The following TRIM33 variants were observed in gnomAD, a reference collection of about 807,000 sequenced individuals.
TRIM33 encodes E3 ubiquitin-protein ligase TRIM33.
TRIM33 carries 20 observed loss-of-function variants against 125.4 expected under a neutral mutation model. The observed-to-expected ratio is 0.16, with a 90% CI of 0.11 to 0.23. TRIM33 has a LOEUF of 0.23. Ranked by LOEUF, TRIM33 falls within the 10% of genes least tolerant of loss-of-function variation. The pLI, the probability that TRIM33 is intolerant of heterozygous loss-of-function variation, is 1.00. For missense variants in TRIM33, 920 were observed against 1,411.4 expected, an observed-to-expected ratio of 0.65 and a Z score of 5.58; for synonymous variants, 564 against 513.9, an observed-to-expected ratio of 1.10 and a Z score of -1.32.
In TRIM33 at chr1:114,395,095, CT is replaced by C. The variant is rs1316135342; in HGVS notation, c.*2552del. ...CTAAATATCAATTTAAGTTTTTATA[CT>C]TTTTAACCATAGGTATATTAGAGCT... On this transcript the variant is annotated 3_prime_UTR_variant, in exon 20 of 20. Transcript: ENST00000358465. The C allele has an allele frequency of 5.2e-6, 1 of 192,766 alleles. No individual in the cohort carries two copies. Among genetic ancestry groups the C allele is most frequent in the Non-Finnish European group, 1.1e-5 (1 of 92,438 alleles). The allele number at this position is 192,766 out of a possible 1,614,324, so 11.9% of individuals were successfully genotyped here.
intron 14 of TRIM33, 45 bp downstream of exon 14, chr1:114,406,896 G>A (rs1288771413): frequency 1.3e-6 from 2 of 1,577,684 alleles, no homozygotes; most frequent in Non-Finnish European, 1.7e-6. Context: ...AAGAATCAAT[G>A]AAGTGATGTC....
At chr1:114,509,550 T>C (rs1474598797) in intron 1 of TRIM33, among the ~76,000 whole-genome samples, 3 of 152,188 alleles carry the variant, frequency 2.0e-5, no homozygotes, top group African/African-American at 7.2e-5. Flanking sequence ...AACCTTTATC[T>C]TTTCAGCCCA....
intron 1 of TRIM33, among the ~76,000 whole-genome samples, chr1:114,478,908 C>T (rs887377225): frequency 4.6e-5 from 7 of 152,010 alleles, no homozygotes; most frequent in Admixed American, 2.0e-4. Flanking sequence ...ATTAGCCAGG[C>T]GTGGTTGTGG....
At chr1:114,466,678 AT>A (rs1232541031) in intron 1 of TRIM33, among the ~76,000 whole-genome samples, 1 of 152,174 alleles carries the variant, frequency 6.6e-6, no homozygotes, top group African/African-American at 2.4e-5. Context: ...ATTGTCCCAC[AT>A]TGTTGCTGGG....
chr1:114,398,767 A>G (rs1420673094), intron 18 of TRIM33, among the ~76,000 whole-genome samples: 1 of 151,854 alleles, frequency 6.6e-6, no homozygotes, highest in African/African-American at 2.4e-5. Flanking sequence ...ATTAAATTCC[A>G]TTTTCTTCTC....
At chr1:114,405,859 G>A (rs1652198116) in intron 14 of TRIM33, 100 bp from the exon 15 acceptor site, 2 of 1,034,710 alleles carry the variant, frequency 1.9e-6, no homozygotes, top group Non-Finnish European at 2.8e-6. Context: ...TAGATATACT[G>A]ACGTAACAAA....
intron 4 of TRIM33, among the ~76,000 whole-genome samples, chr1:114,434,554 T>C (rs1159287410): frequency 6.6e-6 from 1 of 152,240 alleles, no homozygotes; most frequent in Non-Finnish European, 1.5e-5. Flanking sequence ...TAGACTCTAA[T>C]AACATTTCTT....
chr1:114,407,206 T>C, intron 13 of TRIM33, 106 bp from the exon 14 acceptor site: 2 of 944,772 alleles, frequency 2.1e-6, no homozygotes, highest in Non-Finnish European at 1.5e-6. Flanking sequence ...AATAGACAAT[T>C]AACTTTACAG....
intron 11 of TRIM33, among the ~76,000 whole-genome samples, chr1:114,414,021 T>TCACAGG (rs1263471369): frequency 1.0e-5 from 1 of 96,470 alleles, no homozygotes; most frequent in Non-Finnish European, 2.1e-5. Flanking sequence ...CCAAAATAAA[T>TCACAGG]CACAGGCACA....
At chr1:114,415,915 A>G (rs1490499766) in intron 11 of TRIM33, among the ~76,000 whole-genome samples, 7 of 148,852 alleles carry the variant, frequency 4.7e-5, no homozygotes, top group African/African-American at 1.2e-4. Flanking sequence ...CTGCACCACT[A>G]CACTCCAGCC....
chr1:114,422,082 C>G (rs1647235750), intron 10 of TRIM33, among the ~76,000 whole-genome samples: 1 of 152,112 alleles, frequency 6.6e-6, no homozygotes, highest in Non-Finnish European at 1.5e-5. Flanking sequence ...AGTCCTGACT[C>G]TAATACTGTG....
chr1:114,463,275 A>G, intron 3 of TRIM33, 39 bp from the exon 4 acceptor site: 1 of 1,569,040 alleles, frequency 6.4e-7, no homozygotes, highest in East Asian at 2.2e-5. Flanking sequence ...AACCAAACAT[A>G]AAATTTTTGT....
Position 114,397,589 on chromosome 1 carries a change from G to GTTTTGTTTTTTTTTTTTTGT in TRIM33, c.*58_*59insACAAAAAAAAAAAAACAAAA. The GTTTTGTTTTTTTTTTTTTGT allele has an allele frequency of 1.6e-6, 1 of 637,680 alleles. No individual in the cohort carries two copies. Among genetic ancestry groups the GTTTTGTTTTTTTTTTTTTGT allele is most frequent in the South Asian group, 2.1e-5 (1 of 48,374 alleles). 39.5% of individuals were successfully genotyped at this position (637,680 alleles called of 1,614,324 possible). A position where few individuals can be genotyped will look rare whatever the true frequency, so the allele number is the denominator to read the frequency against. On this transcript the variant is annotated 3_prime_UTR_variant, in exon 20 of 20. Coordinates refer to ENST00000358465, the MANE Select transcript of TRIM33 (RefSeq NM_015906.4). Reference sequence around the variant, plus strand: ...CTTAAAAGTTTTCTGGGTTTTTTGTGTTTTTTTTTTTTTTTTCGTTTTTTT... The same window carrying GTTTTGTTTTTTTTTTTTTGT: ...CTTAAAAGTTTTCTGGGTTTTTTGTGTTTTGTTTTTTTTTTTTTGTTTTTTTTTTTTTTTTTCGTTTTTTT...
chr1:114,398,072 C>T lies in TRIM33; in HGVS notation c.3121-82G>A, dbSNP rs1243939939. 22 of 1,464,346 alleles carry T rather than the reference C, an allele frequency of 1.5e-5. 1 individual carries two copies. Among genetic ancestry groups the T allele is most frequent in the African/African-American group, 4.3e-5 (3 of 70,442 alleles). 90.7% of individuals were successfully genotyped at this position (1,464,346 alleles called of 1,614,324 possible). A position where few individuals can be genotyped will look rare whatever the true frequency, so the allele number is the denominator to read the frequency against. On this transcript the variant is annotated intron_variant, in intron 18 of 19. Transcript: ENST00000358465. ...TTATGAGACTGCATAGGATTGGCGA[C>T]GAAAAGTCAGCCATACTAGGGAGAA... is the stretch of plus-strand genomic sequence containing the variant.
chr1:114,435,731 C>G (rs1324794425), intron 4 of TRIM33, among the ~76,000 whole-genome samples: 2 of 151,740 alleles, frequency 1.3e-5, no homozygotes, highest in Non-Finnish European at 2.9e-5. Context: ...ATTTATCCGT[C>G]TGAACTTTTT....
intron 4 of TRIM33, among the ~76,000 whole-genome samples, chr1:114,445,867 T>A (rs1399592953): frequency 1.3e-5 from 2 of 152,108 alleles, no homozygotes; most frequent in African/African-American, 4.8e-5. Context: ...TTTTTTTGTT[T>A]TTGTTTTTGA....
chr1:114,504,173 T>A (rs1465253205), intron 1 of TRIM33, among the ~76,000 whole-genome samples: 1 of 152,072 alleles, frequency 6.6e-6, no homozygotes, highest in African/African-American at 2.4e-5. Flanking sequence ...TTATTTTTTT[T>A]ATTTTTTTAA....
intron 7 of TRIM33, 115 bp from the exon 8 acceptor site, chr1:114,427,409 T>C (rs1647660276): frequency 6.4e-6 from 4 of 625,520 alleles, no homozygotes; most frequent in Non-Finnish European, 8.6e-6. Flanking sequence ...AGCCTCAGAT[T>C]AGGCAGCATC....
Position 114,410,277 on chromosome 1 carries a change from TTAG to T in TRIM33, c.2098_2100del (p.Leu700del). The T allele has an allele frequency of 6.2e-7, 1 of 1,613,838 alleles. No individual in the cohort carries two copies. Among genetic ancestry groups the T allele is most frequent in the Non-Finnish European group, 8.5e-7 (1 of 1,179,838 alleles). ...AGGTGACTGCCTGAGATGTATCTACTTAGTAGATTATCTAAACTACTTGAGCCA... is the reference window on the plus strand; with the variant it reads ...AGGTGACTGCCTGAGATGTATCTACTTAGATTATCTAAACTACTTGAGCCA... On this transcript the variant is annotated inframe_deletion, in exon 12 of 20. Transcript: ENST00000358465.
Sources: gnomAD v4.1 joint callset for allele counts (sites outside exome capture counted in the v4.1 genomes callset) on GRCh38, gnomAD v4.1.1 for gene constraint, MANE v1.5 for transcripts, NCBI Gene and HGNC (gene_info 2026-07-23, HGNC 2026-07-21) for gene names.